Variants in PPARGC1A observed in about 807,000 individuals in gnomAD.
PPARGC1A encodes PPARG coactivator 1 alpha, also known as peroxisome proliferator-activated receptor gamma coactivator 1-alpha.
In PPARGC1A, 25 loss-of-function variants were observed where a neutral mutation model predicts 88.7. The ratio of observed to expected loss-of-function variants is 0.28; its 90% CI spans 0.21 to 0.39. PPARGC1A has a LOEUF of 0.39. PPARGC1A is among the 10% of genes least tolerant of loss of function. The probability of loss-of-function intolerance (pLI) is 1.00; values close to 1 mark genes in which losing one functional copy is unlikely to be tolerated. For missense variants in PPARGC1A, 880 were observed against 968.7 expected (o/e 0.91, Z 1.22); for synonymous variants, 363 against 355.6 (o/e 1.02, Z -0.24).
At chr4:24,091,909 C>T in the PPARGC1A span, among the ~76,000 whole-genome samples, 416 of 140,930 alleles carry the variant, frequency 3.0e-3, 5 homozygotes, top group East Asian at 0.053. Flanking sequence ...TGTGTGCTCC[C>T]GTCTTCTCCT....
the PPARGC1A span, among the ~76,000 whole-genome samples, chr4:24,287,524 G>GA: frequency 1.3e-4 from 19 of 151,396 alleles, no homozygotes; most frequent in African/African-American, 3.9e-4. Context: ...GGAGTGCTGA[G>GA]AAAAAAAAAT....
the PPARGC1A span, among the ~76,000 whole-genome samples, chr4:24,061,294 A>G: frequency 1.3e-5 from 2 of 152,204 alleles, no homozygotes; most frequent in Non-Finnish European, 1.5e-5. Flanking sequence ...GCTAGGAGTC[A>G]GTTTTGGCCT....
At chr4:23,844,742 C>T (rs555611598) in intron 2 of PPARGC1A, among the ~76,000 whole-genome samples, 2,170 of 23,836 alleles carry the variant, frequency 0.091, 225 homozygotes, top group East Asian at 0.19. Context: ...TATGATATAT[C>T]ATAATATATG....
chr4:24,127,831 C>A, the PPARGC1A span, among the ~76,000 whole-genome samples: 2 of 151,770 alleles, frequency 1.3e-5, no homozygotes, highest in South Asian at 4.1e-4. Context: ...AATAAAGGTA[C>A]CATTATAGAA....
the PPARGC1A span, among the ~76,000 whole-genome samples, chr4:23,948,447 A>C: frequency 2.0e-5 from 3 of 152,070 alleles, no homozygotes; most frequent in Non-Finnish European, 4.4e-5. Context: ...TACAGTTCTG[A>C]GAGGCAGGTA....
chr4:24,438,707 A>G, the PPARGC1A span, among the ~76,000 whole-genome samples: 1 of 152,214 alleles, frequency 6.6e-6, no homozygotes, highest in Non-Finnish European at 1.5e-5. Context: ...ATGACAAATT[A>G]CAGAATGCCT....
the PPARGC1A span, among the ~76,000 whole-genome samples, chr4:24,339,379 TC>T: frequency 6.6e-6 from 1 of 151,852 alleles, no homozygotes; most frequent in Admixed American, 6.6e-5. Flanking sequence ...TTTTTCTTTA[TC>T]TTATTTCCCA....
the PPARGC1A span, among the ~76,000 whole-genome samples, chr4:24,009,888 C>T: frequency 2.0e-5 from 3 of 152,186 alleles, no homozygotes; most frequent in East Asian, 1.9e-4. Context: ...CCCACCCACA[C>T]CTCCTCTTCT....
At chr4:24,054,863 C>T in the PPARGC1A span, among the ~76,000 whole-genome samples, 3 of 151,700 alleles carry the variant, frequency 2.0e-5, no homozygotes, top group Non-Finnish European at 4.4e-5. Context: ...ATCATAGCAG[C>T]AGTAGTAACT....
the PPARGC1A span, among the ~76,000 whole-genome samples, chr4:24,214,974 T>A: frequency 1.3e-5 from 2 of 152,214 alleles, no homozygotes; most frequent in African/African-American, 4.8e-5. Flanking sequence ...AAAATGGCTC[T>A]AAGTCACGGG....
chr4:23,810,645 C>A (rs1280976671), intron 10 of PPARGC1A, among the ~76,000 whole-genome samples: 1 of 152,148 alleles, frequency 6.6e-6, no homozygotes, highest in Non-Finnish European at 1.5e-5. Context: ...AAATATTAAT[C>A]TGGCTTTAGT....
chr4:23,816,756 G>C (rs981023251), intron 7 of PPARGC1A, among the ~76,000 whole-genome samples: 7 of 152,046 alleles, frequency 4.6e-5, no homozygotes, highest in Non-Finnish European at 1.0e-4. Flanking sequence ...TACTTCTTTA[G>C]TAATTTACTG....
the PPARGC1A span, among the ~76,000 whole-genome samples, chr4:24,122,292 T>C: frequency 6.6e-6 from 1 of 151,692 alleles, no homozygotes. Context: ...AAAACTAAAA[T>C]ACAGAATAAT....
the PPARGC1A span, among the ~76,000 whole-genome samples, chr4:24,070,208 C>A: frequency 6.6e-6 from 1 of 152,194 alleles, no homozygotes; most frequent in Non-Finnish European, 1.5e-5. Flanking sequence ...GCTGGGCATT[C>A]TTCTCTTCAC....
chr4:23,919,530 A>T, the PPARGC1A span, among the ~76,000 whole-genome samples: 1 of 143,380 alleles, frequency 7.0e-6, no homozygotes, highest in Admixed American at 6.9e-5. Context: ...TTTTCATCTA[A>T]TAAAATGAGT....
At chr4:24,382,817 A>G in the PPARGC1A span, among the ~76,000 whole-genome samples, 1 of 152,340 alleles carries the variant, frequency 6.6e-6, no homozygotes, top group South Asian at 2.1e-4. Context: ...CAGCTTCGGC[A>G]GACTTAAACG....
chr4:24,125,357 G>C, the PPARGC1A span, among the ~76,000 whole-genome samples: 1 of 152,028 alleles, frequency 6.6e-6, no homozygotes, highest in South Asian at 2.1e-4. Context: ...CTCCCCATCT[G>C]CTTCTTCAAG....
At chr4:24,073,527 C>G in the PPARGC1A span, among the ~76,000 whole-genome samples, 1 of 152,166 alleles carries the variant, frequency 6.6e-6, no homozygotes, top group Non-Finnish European at 1.5e-5. Context: ...TAGCTGAAAC[C>G]AACCTCAAGT....
At chr4:24,312,799 C>T in the PPARGC1A span, among the ~76,000 whole-genome samples, 1 of 151,984 alleles carries the variant, frequency 6.6e-6, no homozygotes, top group Non-Finnish European at 1.5e-5. Flanking sequence ...CACAACATAA[C>T]AGTATAAACT....
Sources: gnomAD v4.1 joint callset for allele counts (sites outside exome capture counted in the v4.1 genomes callset) on GRCh38, gnomAD v4.1.1 for gene constraint, MANE v1.5 for transcripts, NCBI Gene and HGNC (gene_info 2026-07-23, HGNC 2026-07-21) for gene names.